Variants in TFEC observed in about 807,000 individuals in gnomAD.
TFEC encodes class E basic helix-loop-helix protein 34.
TFEC carries 31 observed loss-of-function variants against 41.6 expected under a neutral mutation model. The ratio of observed to expected loss-of-function variants is 0.74; its 90% CI spans 0.56 to 1.01. The LOEUF is 1.01. TFEC is among the 50% of genes least tolerant of loss of function. The pLI, the probability that TFEC is intolerant of heterozygous loss-of-function variation, is 0.00. For synonymous variants in TFEC, 143 were observed against 140.6 expected, an observed-to-expected ratio of 1.02 and a Z score of -0.12; for missense variants, 402 against 404.1, an observed-to-expected ratio of 0.99 and a Z score of 0.04.
At chr7:115,996,548 GA>G (rs1229785501) in intron 1 of TFEC, among the ~76,000 whole-genome samples, 1 of 151,946 alleles carries the variant, frequency 6.6e-6, no homozygotes, top group Non-Finnish European at 1.5e-5. Context: ...TTGAGAAAAG[GA>G]GAGGGAAGAG....
At chr7:116,120,684 C>T (rs1458491827) in intron 1 of TFEC, among the ~76,000 whole-genome samples, 2 of 151,856 alleles carry the variant, frequency 1.3e-5, no homozygotes, top group Non-Finnish European at 2.9e-5. Context: ...TGTCTTTTGC[C>T]TGTGTTCACA....
chr7:116,126,753 C>A (rs564163541), intron 1 of TFEC, among the ~76,000 whole-genome samples: 2 of 152,026 alleles, frequency 1.3e-5, no homozygotes, highest in East Asian at 3.9e-4. Flanking sequence ...ATACCCCAGT[C>A]AATTGAGGGA....
intron 3 of TFEC, among the ~76,000 whole-genome samples, chr7:115,972,981 T>C (rs1226394820): frequency 6.6e-6 from 1 of 152,020 alleles, no homozygotes; most frequent in Non-Finnish European, 1.5e-5. Flanking sequence ...GAAAGGGAGA[T>C]ATTAGCATTA....
chr7:115,981,198 C>T (rs540077175), intron 2 of TFEC, among the ~76,000 whole-genome samples: 1 of 152,104 alleles, frequency 6.6e-6, no homozygotes, highest in African/African-American at 2.4e-5. Flanking sequence ...CCCACTTATG[C>T]TTGTCTACTC....
intron 6 of TFEC, among the ~76,000 whole-genome samples, chr7:115,946,656 TTTCC>T (rs1173245482): frequency 6.6e-6 from 1 of 150,424 alleles, no homozygotes; most frequent in Admixed American, 6.6e-5. Flanking sequence ...TTTTTCTTTC[TTTCC>T]TTCCTTCCTT....
intron 1 of TFEC, among the ~76,000 whole-genome samples, chr7:116,011,038 G>T (rs145883123): frequency 2.9e-4 from 44 of 152,218 alleles, no homozygotes; most frequent in African/African-American, 1.0e-3. Flanking sequence ...AGCCCATTAG[G>T]TGATAAAATC....
intron 2 of TFEC, among the ~76,000 whole-genome samples, chr7:116,111,573 G>T (rs59853233): frequency 4.3e-3 from 654 of 152,068 alleles, no homozygotes; most frequent in African/African-American, 0.015. Context: ...TCAATTTCTG[G>T]CTTGAGCTAT....
intron 3 of TFEC, among the ~76,000 whole-genome samples, chr7:116,076,174 A>T (rs374595630): frequency 3.8e-4 from 58 of 152,262 alleles, no homozygotes; most frequent in African/African-American, 1.3e-3. Flanking sequence ...AAAAGCAAAA[A>T]CAATCACTGC....
intron 2 of TFEC, among the ~76,000 whole-genome samples, chr7:115,982,491 G>T (rs1242010797): frequency 6.6e-6 from 1 of 152,196 alleles, no homozygotes; most frequent in East Asian, 1.9e-4. Flanking sequence ...TAGTAAGTCT[G>T]TGAATGATGG....
chr7:115,999,772 T>C (rs1794514809), intron 1 of TFEC, among the ~76,000 whole-genome samples: 1 of 150,462 alleles, frequency 6.6e-6, no homozygotes, highest in Non-Finnish European at 1.5e-5. Context: ...TGTACCAAGA[T>C]TGAACCACGA....
chr7:116,074,706 G>A (rs1020946830), intron 3 of TFEC, among the ~76,000 whole-genome samples: 1 of 152,038 alleles, frequency 6.6e-6, no homozygotes, highest in African/African-American at 2.4e-5. Flanking sequence ...AGCATTCCTT[G>A]AAGTATGAAA....
At position 115,937,026 on chromosome 7, in the gene TFEC, G is replaced by A. The variant is rs2130121338; in HGVS notation, c.*3525C>T. On this transcript the variant is annotated 3_prime_UTR_variant, in exon 8 of 8. Transcript: ENST00000265440. Reference sequence around the variant, plus strand: ...GCACTAAAGAAAAAAATTGTAAAGAGCTGTATCTACTCACAGGAGGTCATC... The same window carrying A: ...GCACTAAAGAAAAAAATTGTAAAGAACTGTATCTACTCACAGGAGGTCATC... 6.6e-6 allele frequency: 1 copy of A among 151,616 alleles called. No individual in the cohort carries two copies. The highest frequency in any genetic ancestry group is 2.1e-4 in the South Asian group (1 of 4,824). The allele number at this position is 151,616 out of a possible 1,614,324, so 9.4% of individuals were successfully genotyped here.
intron 3 of TFEC, among the ~76,000 whole-genome samples, chr7:116,047,591 A>T (rs1796200453): frequency 6.6e-6 from 1 of 152,182 alleles, no homozygotes; most frequent in Non-Finnish European, 1.5e-5. Context: ...ATAGCTGAAC[A>T]AAAGGCAGCA....
At chr7:116,082,591 T>A (rs1797115721) in intron 3 of TFEC, among the ~76,000 whole-genome samples, 1 of 152,012 alleles carries the variant, frequency 6.6e-6, no homozygotes, top group Non-Finnish European at 1.5e-5. Context: ...ACACTGTTCA[T>A]CGAGAAATGT....
chr7:115,952,476 A>C (rs561930595), intron 5 of TFEC, among the ~76,000 whole-genome samples: 18 of 152,234 alleles, frequency 1.2e-4, no homozygotes, highest in Non-Finnish European at 2.2e-4. Flanking sequence ...TACAAGATGA[A>C]GAACAACTAT....
chr7:115,935,447 T>G lies in TFEC; in HGVS notation c.*5104A>C, dbSNP rs564016917. The G allele has an allele frequency of 1.3e-5, 2 of 152,224 alleles. No individual in the cohort carries two copies. Among genetic ancestry groups the G allele is most frequent in the South Asian group, 2.1e-4 (1 of 4,832 alleles). The allele number at this position is 152,224 out of a possible 1,614,324, so 9.4% of individuals were successfully genotyped here. A position where few individuals can be genotyped will look rare whatever the true frequency, so the allele number is the denominator to read the frequency against. On this transcript the variant is annotated 3_prime_UTR_variant, in exon 8 of 8. Transcript: ENST00000265440. Reference sequence around the variant, plus strand: ...AAGTCAAAGATTTTTAACTACATAATAATTATTAAGATTAAATAGCTGAAT... The same window carrying G: ...AAGTCAAAGATTTTTAACTACATAAGAATTATTAAGATTAAATAGCTGAAT...
At chr7:116,135,310 A>T (rs1798413293) in intron 1 of TFEC, among the ~76,000 whole-genome samples, 1 of 152,194 alleles carries the variant, frequency 6.6e-6, no homozygotes, top group Non-Finnish European at 1.5e-5. Flanking sequence ...GAGATAGCTA[A>T]CTAAAGCTAC....
At chr7:116,022,797 A>G (rs1795447823) in intron 1 of TFEC, among the ~76,000 whole-genome samples, 1 of 152,206 alleles carries the variant, frequency 6.6e-6, no homozygotes, top group Non-Finnish European at 1.5e-5. Context: ...AGCACTAAAA[A>G]GCATAAAGGC....
intron 1 of TFEC, among the ~76,000 whole-genome samples, chr7:116,018,545 A>G (rs1795278513): frequency 6.6e-6 from 1 of 152,228 alleles, no homozygotes; most frequent in African/African-American, 2.4e-5. Context: ...ACCTAACACA[A>G]GGAATCTAGC....
Sources: allele counts gnomAD v4.1 joint callset (sites outside exome capture counted in the v4.1 genomes callset), GRCh38; gene constraint gnomAD v4.1.1; transcripts MANE v1.5; gene names NCBI Gene and HGNC (gene_info 2026-07-23, HGNC 2026-07-21).